Variants in RYR2 observed in about 807,000 individuals in gnomAD.
RYR2 encodes the protein cardiac muscle ryanodine receptor-calcium release channel.
RYR2 carries 227 observed loss-of-function variants against 601.1 expected under a neutral mutation model. That is an observed-to-expected ratio of 0.38 (90% CI 0.34 to 0.42). The LOEUF (loss-of-function observed/expected upper bound fraction) is 0.42. RYR2 is among the 10% of genes least tolerant of loss of function. The probability of loss-of-function intolerance (pLI) is 1.00; values close to 1 mark genes in which losing one functional copy is unlikely to be tolerated. For synonymous variants in RYR2, 2,223 were observed against 2,175.1 expected, an observed-to-expected ratio of 1.02 and a Z score of -0.61; for missense variants, 4,646 against 6,156.5, an observed-to-expected ratio of 0.75 and a Z score of 8.21.
chr1:237,701,212 C>T (rs573265965), intron 65 of RYR2, among the ~76,000 whole-genome samples: 12 of 152,112 alleles, frequency 7.9e-5, no homozygotes, highest in Non-Finnish European at 1.3e-4. Context: ...AGTGGCAGAA[C>T]GTTTATTTTA....
At chr1:237,297,924 G>GTTTTTTTT (rs1454515155) in intron 2 of RYR2, among the ~76,000 whole-genome samples, 1 of 94,960 alleles carries the variant, frequency 1.1e-5, no homozygotes, top group Non-Finnish European at 2.2e-5. Flanking sequence ...CTAATTTTTT[G>GTTTTTTTT]TATTTTTTTT....
intron 17 of RYR2, among the ~76,000 whole-genome samples, chr1:237,491,491 C>T (rs1474441230): frequency 3.3e-5 from 5 of 152,154 alleles, no homozygotes; most frequent in Admixed American, 6.5e-5. Context: ...TGGTCATGAA[C>T]GTATTCTTTA....
At chr1:237,045,859 C>T (rs1660513947) in intron 1 of RYR2, among the ~76,000 whole-genome samples, 2 of 133,124 alleles carry the variant, frequency 1.5e-5, no homozygotes, top group African/African-American at 6.0e-5. Flanking sequence ...ATAAAATGAC[C>T]TTGGTCAAGG....
At chr1:237,261,240 T>C (rs1383348308) in intron 1 of RYR2, among the ~76,000 whole-genome samples, 1 of 152,218 alleles carries the variant, frequency 6.6e-6, no homozygotes, top group East Asian at 1.9e-4. Context: ...TCTCCCTCCC[T>C]GAATGGTTGC....
chr1:237,506,667 G>A (rs1322860667), intron 22 of RYR2, 43 bp from the exon 23 acceptor site: 1 of 1,422,182 alleles, frequency 7.0e-7, no homozygotes, highest in East Asian at 2.3e-5. Flanking sequence ...GCATCTTATT[G>A]CATTTGTTTC....
chr1:237,368,252 A>T (rs150613977), intron 5 of RYR2, among the ~76,000 whole-genome samples: 109 of 152,344 alleles, frequency 7.2e-4, no homozygotes, highest in African/African-American at 2.5e-3. Context: ...AAATTATAAC[A>T]TCAATACATA....
intron 58 of RYR2, 26 bp downstream of exon 58, chr1:237,667,984 A>G: frequency 6.6e-7 from 1 of 1,525,046 alleles, no homozygotes; most frequent in Non-Finnish European, 8.9e-7. Flanking sequence ...AACGTTTATT[A>G]AAAAATAATC....
intron 42 of RYR2, among the ~76,000 whole-genome samples, chr1:237,632,794 A>G (rs1680493280): frequency 6.6e-6 from 1 of 152,226 alleles, no homozygotes; most frequent in Admixed American, 6.5e-5. Flanking sequence ...GTATAATTTT[A>G]TAACCTCTGA....
chr1:237,640,782 A>G, intron 46 of RYR2, 115 bp from the exon 47 acceptor site: 1 of 794,424 alleles, frequency 1.3e-6, no homozygotes, highest in Non-Finnish European at 2.1e-6. Flanking sequence ...TATATGAAAC[A>G]TATCAGAAAA....
chr1:237,711,427 G>A (rs1456635125), intron 70 of RYR2, among the ~76,000 whole-genome samples: 2 of 152,138 alleles, frequency 1.3e-5, no homozygotes, highest in African/African-American at 2.4e-5. Flanking sequence ...TCAGGAATCA[G>A]TATATGCCTT....
intron 44 of RYR2, among the ~76,000 whole-genome samples, chr1:237,635,906 CA>C (rs1188718861): frequency 2.0e-5 from 3 of 152,178 alleles, no homozygotes; most frequent in Non-Finnish European, 2.9e-5. Flanking sequence ...CAACCATCTG[CA>C]GTATCCTTAC....
intron 1 of RYR2, among the ~76,000 whole-genome samples, chr1:237,248,144 C>T (rs1687055350): frequency 6.6e-6 from 1 of 151,856 alleles, no homozygotes; most frequent in Non-Finnish European, 1.5e-5. Flanking sequence ...TGGTGGTGCA[C>T]TCCTGTAATC....
At chr1:237,633,032 C>G (rs1680515264) in intron 42 of RYR2, among the ~76,000 whole-genome samples, 5 of 152,028 alleles carry the variant, frequency 3.3e-5, no homozygotes, top group African/African-American at 1.2e-4. Flanking sequence ...TGCAGGCCTT[C>G]CAGTCCAGGA....
chr1:237,827,475 CAG>C (rs374966486), intron 101 of RYR2, among the ~76,000 whole-genome samples: 1 of 151,518 alleles, frequency 6.6e-6, no homozygotes, highest in Non-Finnish European at 1.5e-5. Context: ...TCTGTACAAA[CAG>C]AAATTATCAG....
At chr1:237,649,632 C>T (rs1453303551) in intron 49 of RYR2, among the ~76,000 whole-genome samples, 2 of 152,114 alleles carry the variant, frequency 1.3e-5, no homozygotes, top group Non-Finnish European at 2.9e-5. Context: ...ACCTGTTAAG[C>T]TTTTTGAGGA....
intron 19 of RYR2, among the ~76,000 whole-genome samples, chr1:237,493,292 G>A (rs181609393): frequency 1.2e-4 from 18 of 152,044 alleles, no homozygotes; most frequent in Middle Eastern, 3.4e-3. Context: ...TGGATTTGCC[G>A]CAAACACATG....
intron 1 of RYR2, among the ~76,000 whole-genome samples, chr1:237,128,020 A>C (rs1469650269): frequency 6.6e-6 from 1 of 152,174 alleles, no homozygotes; most frequent in Non-Finnish European, 1.5e-5. Context: ...GCACTTTGGG[A>C]GGCCAAGGCA....
rs533983865 is a variant in RYR2 at position 237,217,278 on chromosome 1, G to A, written c.49-53219G>A. ...ATGACTCAGGCTATAGGTAGTCTACGTGCCTGACTTGTTGATCTATGCACC... is the reference window on the plus strand; with the variant it reads ...ATGACTCAGGCTATAGGTAGTCTACATGCCTGACTTGTTGATCTATGCACC... On this transcript the variant is annotated intron_variant, in intron 1 of 104. Transcript: ENST00000366574. Among the ~76,000 whole-genome samples, 18 of 151,666 alleles carry A rather than the reference G, an allele frequency of 1.2e-4. No individual in the cohort carries two copies. The East Asian group carries it at 3.1e-3, about 26-fold the overall frequency.
intron 87 of RYR2, 90 bp downstream of exon 87, chr1:237,773,738 C>A (rs1393032111): frequency 1.0e-5 from 10 of 1,001,238 alleles, no homozygotes; most frequent in Middle Eastern, 2.4e-4. Flanking sequence ...CTCCTATTGA[C>A]CCCTTTCTGA....
Sources: allele counts gnomAD v4.1 joint callset (sites outside exome capture counted in the v4.1 genomes callset), GRCh38; gene constraint gnomAD v4.1.1; transcripts MANE v1.5; gene names NCBI Gene and HGNC (gene_info 2026-07-23, HGNC 2026-07-21).